Variants in IFT88 observed in about 807,000 individuals in gnomAD.
The protein encoded by IFT88 is intraflagellar transport 88.
Under a neutral mutation model 119.5 loss-of-function variants are expected in IFT88, and 74 were observed. That is an observed-to-expected ratio of 0.62 (90% CI 0.51 to 0.75). The LOEUF is 0.75. Among genes scored for constraint, IFT88 ranks in the 30% least tolerant of loss-of-function variants. IFT88 has a pLI of 0.00. For missense variants in IFT88, 961 were observed against 977.7 expected, an observed-to-expected ratio of 0.98 and a Z score of 0.23; for synonymous variants, 279 against 316.7, an observed-to-expected ratio of 0.88 and a Z score of 1.26.
intron 15 of IFT88, among the ~76,000 whole-genome samples, chr13:20,626,091 C>T (rs545820868): frequency 2.2e-5 from 2 of 89,808 alleles, no homozygotes; most frequent in Admixed American, 1.9e-4. Flanking sequence ...GATGGAGTCT[C>T]GCTCTGTTGC....
Position 20,638,360 on chromosome 13 carries a change from A to C in IFT88, c.1415A>C (p.Tyr472Ser). The C allele has an allele frequency of 1.4e-6, 2 of 1,412,766 alleles. No individual in the cohort carries two copies. The highest frequency in any genetic ancestry group is 1.9e-6 in the Non-Finnish European group (2 of 1,078,012). 87.5% of individuals were successfully genotyped at this position (1,412,766 alleles called of 1,614,324 possible). Residue 472 changes from tyrosine (Y) to serine (S), a missense_variant, in exon 17 of 26, where the codon TAT (tyrosine) becomes TCT (serine). By Grantham distance (144) the Tyr-to-Ser change is moderately radical. Coordinates refer to ENST00000351808, the MANE Select transcript of IFT88 (RefSeq NM_006531.5). ...MGKDFAQASS[Y>S]ADIAVNSDRY... ...AAGGATTTTGCACAAGCCAGCAGCT[A>C]TGCAGATATAGCTGTGAACTCTGAT...
At chr13:20,581,364 G>A (rs1342911942) in intron 2 of IFT88, among the ~76,000 whole-genome samples, 1 of 152,160 alleles carries the variant, frequency 6.6e-6, no homozygotes, top group African/African-American at 2.4e-5. Context: ...TTGTCATTTA[G>A]TTAGGATTTA....
chr13:20,597,559 A>G lies in IFT88; in HGVS notation c.594+440A>G, dbSNP rs543335966. Among the ~76,000 whole-genome samples the G allele has an allele frequency of 6.8e-4, 104 of 152,208 alleles. 1 individual carries two copies. The East Asian group carries it at 0.015, about 22-fold the overall frequency. ...GGAAATCGAGACCATCCTGGCTAAC[A>G]TGGTGAAACCCCATCTCTACTAAAA... On this transcript the variant is annotated intron_variant, in intron 9 of 25. Coordinates refer to ENST00000351808, the MANE Select transcript of IFT88 (RefSeq NM_006531.5).
chr13:20,638,547 TA>T (rs775108002), intron 17 of IFT88, 29 bp downstream of exon 17: 82 of 1,334,658 alleles, frequency 6.1e-5, no homozygotes, highest in Non-Finnish European at 7.8e-5. Flanking sequence ...AATTGCTTTT[TA>T]AATTATTTAT....
chr13:20,629,017 T>A (rs771359339), intron 15 of IFT88, among the ~76,000 whole-genome samples: 1 of 152,192 alleles, frequency 6.6e-6, no homozygotes, highest in Non-Finnish European at 1.5e-5. Context: ...AAAAAAATTG[T>A]TGTTATTGCT....
chr13:20,569,993 C>T (rs889741438), intron 1 of IFT88, among the ~76,000 whole-genome samples: 1 of 151,386 alleles, frequency 6.6e-6, no homozygotes, highest in Non-Finnish European at 1.5e-5. Flanking sequence ...TGCAGTGAGC[C>T]GCGCCACTGC....
At position 20,617,989 on chromosome 13, in the gene IFT88, T is replaced by C. The variant is rs2045904774; in HGVS notation, c.1199+2110T>C. Among the ~76,000 whole-genome samples the C allele has an allele frequency of 2.0e-5, 3 of 152,154 alleles. No homozygotes were observed. The South Asian group carries it at 6.2e-4, about 32-fold the overall frequency. ...TTAGTAGAGACAGGGTTTCGCCGTG[T>C]TGGCTGGGCTGGTCTCGAACTCCTG... On this transcript the variant is annotated intron_variant, in intron 14 of 25. Coordinates refer to ENST00000351808, the MANE Select transcript of IFT88 (RefSeq NM_006531.5).
intron 7 of IFT88, among the ~76,000 whole-genome samples, chr13:20,593,241 A>G (rs1566109815): frequency 6.6e-6 from 1 of 152,236 alleles, no homozygotes. Flanking sequence ...TGATGTATAC[A>G]TTTTACAAAT....
At chr13:20,569,298 G>A (rs1164949142) in intron 1 of IFT88, among the ~76,000 whole-genome samples, 1 of 152,040 alleles carries the variant, frequency 6.6e-6, no homozygotes, top group Non-Finnish European at 1.5e-5. Context: ...TTTTGGCCAG[G>A]CGTGGTGGCT....
intron 5 of IFT88, among the ~76,000 whole-genome samples, 165 bp downstream of exon 5, chr13:20,591,185 A>G (rs2040605212): frequency 6.6e-6 from 1 of 152,192 alleles, no homozygotes; most frequent in South Asian, 2.1e-4. Flanking sequence ...ACTGTTGTAA[A>G]TCTTTGAAGG....
At chr13:20,651,066 G>T (rs1009186372) in intron 20 of IFT88, among the ~76,000 whole-genome samples, 2 of 152,014 alleles carry the variant, frequency 1.3e-5, no homozygotes, top group Non-Finnish European at 2.9e-5. Context: ...ACACTGTTTC[G>T]ATTATTGTAG....
At chr13:20,633,677 A>G (rs2048557388) in intron 16 of IFT88, among the ~76,000 whole-genome samples, 1 of 152,202 alleles carries the variant, frequency 6.6e-6, no homozygotes, top group Non-Finnish European at 1.5e-5. Flanking sequence ...GTTAGATTTA[A>G]TCAACCAAGC....
chr13:20,574,465 A>C lies in IFT88; in HGVS notation c.80A>C (p.Tyr27Ser), dbSNP rs750818479. Residue 27 changes from tyrosine to serine, a missense_variant, in exon 2 of 26, where the codon TAT becomes TCT. By Grantham distance (144) the Tyr-to-Ser change is moderately radical. Coordinates refer to ENST00000351808, the MANE Select transcript of IFT88 (RefSeq NM_006531.5). Reference protein sequence around the residue: ...YSGYNDYNPIYDIEELENDAA... With the variant: ...YSGYNDYNPISDIEELENDAA... The stretch of plus-strand genomic sequence containing the variant: ...GGCTATAATGACTACAATCCAATCT[A>C]TGATATCGAGGTAACAAAAGCTAGT... 5.0e-6 allele frequency: 8 copies of C among 1,590,664 alleles called. No individual in the cohort carries two copies. The highest frequency in any genetic ancestry group is 3.3e-5 in the South Asian group (3 of 89,568).
intron 4 of IFT88, 93 bp downstream of exon 4, chr13:20,589,960 C>A: frequency 3.1e-6 from 2 of 644,534 alleles, no homozygotes; most frequent in South Asian, 4.9e-5. Context: ...TATCTTAGGT[C>A]ATAATCCAAA....
chr13:20,656,245 A>G, intron 21 of IFT88, 120 bp from the exon 22 acceptor site: 3 of 401,990 alleles, frequency 7.5e-6, no homozygotes, highest in Non-Finnish European at 1.4e-5. Flanking sequence ...GTGGTATATA[A>G]AACATGAAAC....
At chr13:20,653,485 T>G (rs938246686) in intron 20 of IFT88, among the ~76,000 whole-genome samples, 57 of 152,214 alleles carry the variant, frequency 3.7e-4, no homozygotes, top group African/African-American at 1.4e-3. Flanking sequence ...GAAGCCTGAT[T>G]CTTCAAACAC....
chr13:20,676,723 A>G (rs532903331), intron 24 of IFT88, among the ~76,000 whole-genome samples: 21 of 152,394 alleles, frequency 1.4e-4, no homozygotes, highest in Non-Finnish European at 2.5e-4. Flanking sequence ...TTACTTCAGT[A>G]ATGCTGCTGT....
intron 5 of IFT88, 127 bp from the exon 6 acceptor site, chr13:20,591,491 T>A (rs988113546): frequency 3.6e-6 from 2 of 562,736 alleles, no homozygotes; most frequent in Non-Finnish European, 6.1e-6. Context: ...AAGTAAGGAG[T>A]AAACGTATAG....
chr13:20,603,608 C>T (rs1247741833), intron 12 of IFT88, among the ~76,000 whole-genome samples: 1 of 151,862 alleles, frequency 6.6e-6, no homozygotes, highest in Non-Finnish European at 1.5e-5. Context: ...TAAAATAGTA[C>T]CTGGCAGCTG....
Sources: gnomAD v4.1 joint callset for allele counts (sites outside exome capture counted in the v4.1 genomes callset) on GRCh38, gnomAD v4.1.1 for gene constraint, MANE v1.5 for transcripts, NCBI Gene and HGNC (gene_info 2026-07-23, HGNC 2026-07-21) for gene names.